The following FBLN1 variants were observed in gnomAD, a reference collection of about 807,000 sequenced individuals.
The protein encoded by FBLN1 is fibulin-1.
In FBLN1, 34 loss-of-function variants were observed where a neutral mutation model predicts 89.7. The ratio of observed to expected loss-of-function variants is 0.38; its 90% CI spans 0.29 to 0.50. The LOEUF is 0.50. Among genes scored for constraint, FBLN1 ranks in the 20% least tolerant of loss-of-function variants. The pLI is 0.92. For missense variants in FBLN1, 777 were observed against 988.1 expected, an observed-to-expected ratio of 0.79 and a Z score of 2.86; for synonymous variants, 393 against 391.3, an observed-to-expected ratio of 1.00 and a Z score of -0.05.
intron 1 of FBLN1, chr22:45,517,403 A>T (rs1453526650): frequency 2.7e-6 from 1 of 364,852 alleles, no homozygotes; most frequent in Admixed American, 3.6e-5. Context: ...TTGGGGCACA[A>T]TGGGGTCTTC....
chr22:45,586,822 G>A (rs992816448), intron 16 of FBLN1, among the ~76,000 whole-genome samples: 3 of 152,096 alleles, frequency 2.0e-5, no homozygotes, highest in African/African-American at 4.8e-5. Flanking sequence ...GAGTCAGCCC[G>A]AGGGCCCAGG....
chr22:45,590,399 A>G lies in FBLN1; in HGVS notation c.1973-9908A>G, dbSNP rs2089125785. 1.3e-5 allele frequency among the ~76,000 whole-genome samples: 2 copies of G among 152,194 alleles called. No individual in the cohort carries two copies. Among genetic ancestry groups the G allele is most frequent in the South Asian group, 2.1e-4 (1 of 4,824 alleles). ...TGGCCCCCTCACCTTGGGGGATTGC[A>G]AGGGGTTCAGTGTGGCTGGGGCAGT... On this transcript the variant is annotated intron_variant, in intron 16 of 16. Transcript: ENST00000327858. The surrounding 1 kb of genome is among the most constrained non-coding windows in gnomAD (Gnocchi z 4.1).
rs2089198824 is a variant in FBLN1 at position 45,597,738 on chromosome 22, C to T, written c.1973-2569C>T. Among the ~76,000 whole-genome samples, 2 of 152,176 alleles carry T rather than the reference C, an allele frequency of 1.3e-5. No individual in the cohort carries two copies. Among genetic ancestry groups the T allele is most frequent in the African/African-American group, 4.8e-5 (2 of 41,442 alleles). On this transcript the variant is annotated intron_variant, in intron 16 of 16. Transcript: ENST00000327858. The surrounding 1 kb of genome is among the most constrained non-coding windows in gnomAD (Gnocchi z 4.2). ...CAGGACAAAGCTTCAATGTCATCAC[C>T]AGGTAGCAGGCAGAGCAAGGGTGCT...
intron 14 of FBLN1, chr22:45,565,141 C>G (rs751388805): frequency 8.9e-6 from 14 of 1,579,588 alleles, no homozygotes; most frequent in Non-Finnish European, 1.2e-5. Context: ...GCACCAGCCT[C>G]GAGTCTCCCA....
chr22:45,536,705 C>G lies in FBLN1; in HGVS notation c.922+1368C>G, dbSNP rs2146973130. On this transcript the variant is annotated intron_variant, in intron 8 of 16. Transcript: ENST00000327858. The surrounding 1 kb of genome is among the most constrained non-coding windows in gnomAD (Gnocchi z 5.1). ...GCTTGAGCCTGGGAGGCAGAGGTTG[C>G]AGTGAGCTGAGATCACGCCACTGTA... 6.6e-6 allele frequency among the ~76,000 whole-genome samples: 1 copy of G among 151,634 alleles called. No individual in the cohort carries two copies. Among genetic ancestry groups the G allele is most frequent in the East Asian group, 1.9e-4 (1 of 5,142 alleles).
chr22:45,527,944 T>C lies in FBLN1; in HGVS notation c.419T>C (p.Phe140Ser), dbSNP rs1602178273. Residue 140 changes from phenylalanine to serine, a missense_variant, in exon 4 of 17, where the codon TTC becomes TCC. Physicochemically the swap from Phe to Ser is radical, Grantham distance 155 (BLOSUM62 -2). Coordinates refer to ENST00000327858, the MANE Select transcript of FBLN1 (RefSeq NM_006486.3). ...GTTGGCTACCAGTGTGGACAGGTCT[T>C]CCAGGCATGCTGTGTCAAGAGCCAG... ...LMVGYQCGQV[F>S]QACCVKSQET... 1.9e-6 allele frequency: 3 copies of C among 1,614,188 alleles called. No individual in the cohort carries two copies. The highest frequency in any genetic ancestry group is 1.7e-6 in the Non-Finnish European group (2 of 1,180,022).
chr22:45,505,438 A>C (rs2088006146), intron 1 of FBLN1, among the ~76,000 whole-genome samples: 1 of 152,202 alleles, frequency 6.6e-6, no homozygotes, highest in African/African-American at 2.4e-5. Context: ...CATGGGGGTC[A>C]GGGCTGGGGC....
At chr22:45,528,641 G>A (rs1417460305) in intron 4 of FBLN1, among the ~76,000 whole-genome samples, 1 of 151,968 alleles carries the variant, frequency 6.6e-6, no homozygotes, top group Non-Finnish European at 1.5e-5. Flanking sequence ...CATCGTGCCT[G>A]GCCAATATTA....
At chr22:45,512,583 G>C (rs916656939) in intron 1 of FBLN1, among the ~76,000 whole-genome samples, 5 of 152,166 alleles carry the variant, frequency 3.3e-5, no homozygotes, top group African/African-American at 9.7e-5. Context: ...AGGACACCTG[G>C]TGTTTGGATA....
chr22:45,536,077 A>G lies in FBLN1; in HGVS notation c.922+740A>G, dbSNP rs376100989. Reference sequence around the variant, plus strand: ...ACAGTCCCAGCTACTTGGGAGGCTGAGGTGGGAGGATCCCTTGAGCAGGGA... The same window carrying G: ...ACAGTCCCAGCTACTTGGGAGGCTGGGGTGGGAGGATCCCTTGAGCAGGGA... On this transcript the variant is annotated intron_variant, in intron 8 of 16. Transcript: ENST00000327858. The surrounding 1 kb of genome is among the most constrained non-coding windows in gnomAD (Gnocchi z 5.1). Among the ~76,000 whole-genome samples the G allele has an allele frequency of 2.9e-4, 44 of 152,302 alleles. No homozygotes were observed. The highest frequency in any genetic ancestry group is 1.4e-3 in the East Asian group (7 of 5,182).
intron 16 of FBLN1, among the ~76,000 whole-genome samples, chr22:45,587,585 G>A (rs1175041758): frequency 6.6e-6 from 1 of 152,158 alleles, no homozygotes; most frequent in African/African-American, 2.4e-5. Flanking sequence ...TTACCCCTGG[G>A]GGCCCAGCGC....
Position 45,542,223 on chromosome 22 carries a change from A to T in FBLN1, c.1135A>T (p.Ser379Cys). The part of the protein sequence containing the change: ...KGHRCVNSPG[S>C]FRCECKTGYY... ...ACATCGCTGCGTGAACTCTCCCGGC[A>T]GTTTCCGCTGCGAATGCAAGACGGG... The change falls in exon 10 of 17, where the codon AGT becomes TGT. Residue 379 changes from serine to cysteine, a missense_variant. Physicochemically the swap from Ser to Cys is moderately radical, Grantham distance 112. Transcript: ENST00000327858. 6.2e-7 allele frequency: 1 copy of T among 1,614,188 alleles called. No individual in the cohort carries two copies. The highest frequency in any genetic ancestry group is 8.5e-7 in the Non-Finnish European group (1 of 1,180,048).
Position 45,548,754 on chromosome 22 carries a change from A to G in FBLN1, c.1573+10A>G, listed in dbSNP as rs2088664390. ...GGCCGCAACTGCCAAGGTGAGCAGGAGGGATGCCCTGGGGTCCCTCACGCT... is the reference window on the plus strand; with the variant it reads ...GGCCGCAACTGCCAAGGTGAGCAGGGGGGATGCCCTGGGGTCCCTCACGCT... On this transcript the variant is annotated intron_variant, in intron 13 of 16. Coordinates refer to ENST00000327858, the MANE Select transcript of FBLN1 (RefSeq NM_006486.3). 1 of 1,612,522 alleles carries G rather than the reference A, an allele frequency of 6.2e-7. No individual in the cohort carries two copies. The highest frequency in any genetic ancestry group is 2.2e-5 in the East Asian group (1 of 44,874).
chr22:45,552,975 C>A (rs2088724539), intron 14 of FBLN1, among the ~76,000 whole-genome samples: 1 of 152,214 alleles, frequency 6.6e-6, no homozygotes, highest in Non-Finnish European at 1.5e-5. Context: ...AGCCGGGTGG[C>A]CTTGGTTGCC....
At chr22:45,514,625 G>A (rs1301064902) in intron 1 of FBLN1, among the ~76,000 whole-genome samples, 1 of 152,182 alleles carries the variant, frequency 6.6e-6, no homozygotes, top group African/African-American at 2.4e-5. Context: ...GCTTGTTTGT[G>A]GGGGCAGAGG....
At chr22:45,592,585 C>T (rs909439280) in intron 16 of FBLN1, among the ~76,000 whole-genome samples, 4 of 152,206 alleles carry the variant, frequency 2.6e-5, no homozygotes, top group African/African-American at 4.8e-5. Context: ...ACCTTGGCCT[C>T]CCAAAGTGCT....
chr22:45,585,720 G>C (rs1166273593), intron 16 of FBLN1, among the ~76,000 whole-genome samples: 1 of 152,186 alleles, frequency 6.6e-6, no homozygotes, highest in Non-Finnish European at 1.5e-5. Context: ...GTGTCACCGA[G>C]GGTTCCAGGA....
In FBLN1 at chr22:45,549,182, A is replaced by G. The variant is rs1194610168; in HGVS notation, c.1573+438A>G. On this transcript the variant is annotated intron_variant, in intron 13 of 16. Coordinates refer to ENST00000327858, the MANE Select transcript of FBLN1 (RefSeq NM_006486.3). The surrounding 1 kb of genome is among the most constrained non-coding windows in gnomAD (Gnocchi z 5.7). Reference sequence around the variant, plus strand: ...AGCATCGGCTAAGTAATGGTGGCCAATGGCATTGGTTCTGCATTCAGCCCC... The same window carrying G: ...AGCATCGGCTAAGTAATGGTGGCCAGTGGCATTGGTTCTGCATTCAGCCCC... Among the ~76,000 whole-genome samples, 1 of 152,216 alleles carries G rather than the reference A, an allele frequency of 6.6e-6. No individual in the cohort carries two copies. Among genetic ancestry groups the G allele is most frequent in the Non-Finnish European group, 1.5e-5 (1 of 68,018 alleles).
At chr22:45,548,264 T>C (rs187231367) in intron 12 of FBLN1, among the ~76,000 whole-genome samples, 7 of 152,350 alleles carry the variant, frequency 4.6e-5, no homozygotes, top group African/African-American at 1.7e-4. Context: ...TTGCCGAGGC[T>C]GGTCTCGAAC....
Sources: allele counts gnomAD v4.1 joint callset (sites outside exome capture counted in the v4.1 genomes callset), GRCh38; gene constraint gnomAD v4.1.1; non-coding constraint Gnocchi (gnomAD v3.1); transcripts MANE v1.5; gene names NCBI Gene and HGNC (gene_info 2026-07-23, HGNC 2026-07-21).